CDK5RAP1: variants seen among roughly 807,000 people sequenced by gnomAD.
CDK5RAP1 encodes mitochondrial tRNA methylthiotransferase CDK5RAP1.
In CDK5RAP1, 62 loss-of-function variants were observed where a neutral mutation model predicts 64.5. The observed-to-expected ratio is 0.96, with a 90% confidence interval of 0.78 to 1.19. CDK5RAP1 has a LOEUF of 1.19. Ranked by LOEUF, CDK5RAP1 falls within the 50% of genes most tolerant of loss-of-function variation. The pLI is 0.00. For missense variants in CDK5RAP1, 657 were observed against 735.0 expected, an observed-to-expected ratio of 0.89 and a Z score of 1.23; for synonymous variants, 250 against 261.9, an observed-to-expected ratio of 0.95 and a Z score of 0.44.
At chr20:33,379,721 A>C in intron 7 of CDK5RAP1, 30 bp from the exon 8 acceptor site, 2 of 1,523,140 alleles carry the variant, frequency 1.3e-6, no homozygotes, top group Non-Finnish European at 1.8e-6. Context: ...TTGGAATTTT[A>C]AAACTTTTGG....
intron 11 of CDK5RAP1, among the ~76,000 whole-genome samples, chr20:33,369,483 C>T (rs1295195215): frequency 1.4e-4 from 17 of 119,572 alleles, no homozygotes; most frequent in Admixed American, 1.3e-3. Flanking sequence ...ACTGAGACTC[C>T]GCCTCAAAAA....
chr20:33,381,584 G>A (rs1446007323), intron 7 of CDK5RAP1, among the ~76,000 whole-genome samples: 3 of 152,008 alleles, frequency 2.0e-5, no homozygotes, highest in African/African-American at 7.2e-5. Context: ...GTGTCACCAC[G>A]CCAGGCTAAC....
intron 5 of CDK5RAP1, among the ~76,000 whole-genome samples, chr20:33,388,579 TCC>T (rs371443712): frequency 6.0e-4 from 55 of 92,028 alleles, no homozygotes; most frequent in African/African-American, 1.4e-3. Flanking sequence ...TCTCCCCCTC[TCC>T]CTCTCTCCTT....
At chr20:33,398,615 A>G (rs952322633) in intron 1 of CDK5RAP1, among the ~76,000 whole-genome samples, 3 of 152,090 alleles carry the variant, frequency 2.0e-5, no homozygotes, top group Non-Finnish European at 2.9e-5. Context: ...ACAATGAAAC[A>G]AGATACAACT....
chr20:33,380,133 TCAGA>T lies in CDK5RAP1; in HGVS notation c.877-446_877-443del, dbSNP rs201069903. 4.0e-3 allele frequency among the ~76,000 whole-genome samples: 614 copies of T among 152,196 alleles called. 7 individuals carry two copies. Among genetic ancestry groups the T allele is most frequent in the African/African-American group, 0.014 (572 of 41,528 alleles). ...ATTAAATGACAACATGAGGAAAAAA[TCAGA>T]CAAAGGAGACTCATGTCTGATCTCT... On this transcript the variant is annotated intron_variant, in intron 7 of 13. Transcript: ENST00000346416.
At chr20:33,363,549 C>T (rs920590986) in intron 12 of CDK5RAP1, among the ~76,000 whole-genome samples, 3 of 152,208 alleles carry the variant, frequency 2.0e-5, no homozygotes, top group Middle Eastern at 3.4e-3. Context: ...CTTTATAATA[C>T]ACTTGGAACT....
intron 11 of CDK5RAP1, among the ~76,000 whole-genome samples, chr20:33,368,736 T>C (rs1001710308): frequency 2.6e-5 from 4 of 152,006 alleles, no homozygotes; most frequent in Non-Finnish European, 4.4e-5. Context: ...CCAGGCGTGG[T>C]GGCACATGCC....
chr20:33,390,274 C>CAAAA (rs113894811), intron 5 of CDK5RAP1, among the ~76,000 whole-genome samples: 1 of 142,804 alleles, frequency 7.0e-6, no homozygotes, highest in Non-Finnish European at 1.5e-5. Context: ...ACCCTGTCAC[C>CAAAA]AAAAAAAAAA....
chr20:33,360,261 T>G, intron 13 of CDK5RAP1, 90 bp downstream of exon 13: 1 of 1,289,816 alleles, frequency 7.8e-7, no homozygotes, highest in Non-Finnish European at 1.1e-6. Flanking sequence ...TTTACTAAAA[T>G]GTGTCTCTAG....
intron 5 of CDK5RAP1, 144 bp downstream of exon 5, chr20:33,391,998 C>T: frequency 1.6e-6 from 1 of 618,912 alleles, no homozygotes; most frequent in Non-Finnish European, 2.9e-6. Flanking sequence ...ATCCTGTCAC[C>T]TCTGGCAGTA....
chr20:33,364,643 C>T (rs559637106), intron 12 of CDK5RAP1, among the ~76,000 whole-genome samples: 1 of 150,820 alleles, frequency 6.6e-6, no homozygotes, highest in Non-Finnish European at 1.5e-5. Context: ...GGCGCGATCT[C>T]GGCTCACCAT....
At chr20:33,372,909 T>C in intron 9 of CDK5RAP1, 1 of 322,816 alleles carries the variant, frequency 3.1e-6, no homozygotes, top group Non-Finnish European at 5.4e-6. Context: ...TTTAAGGACA[T>C]AAACTTTTTT....
chr20:33,359,375 C>T (rs1295795743), intron 13 of CDK5RAP1: 5 of 447,824 alleles, frequency 1.1e-5, no homozygotes, highest in Non-Finnish European at 2.0e-5. Flanking sequence ...AAGATGGCTC[C>T]TCCTCAGCTC....
chr20:33,388,799 AT>A (rs1315840344), intron 5 of CDK5RAP1, among the ~76,000 whole-genome samples: 1 of 151,686 alleles, frequency 6.6e-6, no homozygotes, highest in Non-Finnish European at 1.5e-5. Context: ...TGGTTTTCGT[AT>A]TTTTTTGGTG....
intron 8 of CDK5RAP1, among the ~76,000 whole-genome samples, chr20:33,379,156 A>AT (rs1049174016): frequency 1.3e-5 from 2 of 151,948 alleles, no homozygotes; most frequent in African/African-American, 4.8e-5. Flanking sequence ...CACCCAGCTA[A>AT]TTTTTTGTAT....
At chr20:33,364,670 G>T (rs946158949) in intron 12 of CDK5RAP1, among the ~76,000 whole-genome samples, 4 of 151,832 alleles carry the variant, frequency 2.6e-5, no homozygotes, top group Non-Finnish European at 5.9e-5. Context: ...CGCCTCCCAG[G>T]TTCAAGCCAT....
chr20:33,384,354 T>C (rs1401347265), intron 7 of CDK5RAP1, among the ~76,000 whole-genome samples: 1 of 152,198 alleles, frequency 6.6e-6, no homozygotes, highest in African/African-American at 2.4e-5. Flanking sequence ...GGGAGTTTTG[T>C]CACCATCTCA....
intron 8 of CDK5RAP1, among the ~76,000 whole-genome samples, chr20:33,378,031 T>G (rs1986236840): frequency 6.6e-6 from 1 of 152,218 alleles, no homozygotes; most frequent in Admixed American, 6.5e-5. Context: ...ACTTTTAATT[T>G]CCTTCATGAA....
intron 11 of CDK5RAP1, among the ~76,000 whole-genome samples, chr20:33,368,256 C>T (rs922380493): frequency 1.3e-5 from 2 of 152,078 alleles, no homozygotes; most frequent in Non-Finnish European, 2.9e-5. Context: ...CCATAAGATG[C>T]TTCTGCCACA....
Sources: gnomAD v4.1 joint callset for allele counts (sites outside exome capture counted in the v4.1 genomes callset) on GRCh38, gnomAD v4.1.1 for gene constraint, MANE v1.5 for transcripts, NCBI Gene and HGNC (gene_info 2026-07-23, HGNC 2026-07-21) for gene names.